The following STAG2 variants were observed in gnomAD, a reference collection of about 807,000 sequenced individuals.
The protein encoded by STAG2 is cohesin subunit SA-2.
A neutral mutation model predicts 108.1 loss-of-function variants in STAG2; 14 were observed. The ratio of observed to expected loss-of-function variants is 0.13; its 90% confidence interval spans 0.09 to 0.20. STAG2 has a LOEUF of 0.20. Among genes scored for constraint, STAG2 ranks in the 10% least tolerant of loss-of-function variants. STAG2 has a pLI of 1.00. For missense variants in STAG2, 440 were observed against 940.9 expected (o/e 0.47, Z 6.96); for synonymous variants, 307 against 302.7 (o/e 1.01, Z -0.15).
intron 6 of STAG2, among the ~76,000 whole-genome samples, chrX:124,040,721 C>G (rs913989686): frequency 9.2e-6 from 1 of 109,247 alleles, no homozygotes; most frequent in African/African-American, 3.3e-5. Flanking sequence ...ACTTTTTGTT[C>G]TCTAGCATTC....
At chrX:124,043,127 G>T in intron 7 of STAG2, among the ~76,000 whole-genome samples, 1 of 108,637 alleles carries the variant, frequency 9.2e-6, no homozygotes, top group Middle Eastern at 4.7e-3. Flanking sequence ...CTTAGTGTCA[G>T]TTGTTTTTTT....
In STAG2 at chrX:124,076,315, T is replaced by C; in HGVS notation, c.2534-17T>C. On this transcript the variant is annotated splice_polypyrimidine_tract_variant and intron_variant, in intron 25 of 34. Coordinates refer to ENST00000371145, the MANE Select transcript of STAG2 (RefSeq NM_001042750.2). The stretch of plus-strand genomic sequence containing the variant: ...AATAAAATACAAGATGCTTAATGTT[T>C]GGGACTTTTTCTCCAGATGGTCAGC... The C allele has an allele frequency of 8.3e-7, 1 of 1,205,942 alleles. No individual in the cohort carries two copies. Among genetic ancestry groups the C allele is most frequent in the Non-Finnish European group, 1.1e-6 (1 of 891,618 alleles).
At chrX:124,028,136 A>G (rs1464055456) in intron 4 of STAG2, among the ~76,000 whole-genome samples, 1 of 111,206 alleles carries the variant, frequency 9.0e-6, no homozygotes, top group Admixed American at 9.6e-5. Flanking sequence ...TTTACTGGGG[A>G]CAAAAGCCTT....
In STAG2 at chrX:124,037,727, A is replaced by G. The variant is rs2057562488; in HGVS notation, c.385+104A>G. The G allele has an allele frequency of 9.0e-6, 3 of 332,926 alleles. No homozygotes were observed. The South Asian group carries it at 2.7e-4, about 30-fold the overall frequency. The allele number at this position is 332,926 out of a possible 1,213,427, so 27.4% of individuals were successfully genotyped here. On this transcript the variant is annotated intron_variant, in intron 6 of 34. Transcript: ENST00000371145. ...TTTACATGGTAAATAACGCTAAGGCATTATTTGCATCATATCCATATAAAA... is the reference window on the plus strand; with the variant it reads ...TTTACATGGTAAATAACGCTAAGGCGTTATTTGCATCATATCCATATAAAA...
intron 27 of STAG2, among the ~76,000 whole-genome samples, chrX:124,081,005 C>A (rs1461140928): frequency 8.9e-6 from 1 of 111,995 alleles, no homozygotes; most frequent in Non-Finnish European, 1.9e-5. Flanking sequence ...TAAGCTTTTG[C>A]TATTTCATGT....
intron 4 of STAG2, among the ~76,000 whole-genome samples, chrX:124,028,671 T>G (rs1456597295): frequency 9.2e-6 from 1 of 108,266 alleles, no homozygotes; most frequent in Admixed American, 1.0e-4. Context: ...AGGGACCCTC[T>G]AAGGAATAAA....
chrX:124,076,334 G>A lies in STAG2; in HGVS notation c.2536G>A (p.Gly846Ser), dbSNP rs1208998954. Reference protein sequence around the residue: ...EQDDDNNSADGQQEDEASKIE... With the variant: ...EQDDDNNSADSQQEDEASKIE... ...AATGTTTGGGACTTTTTCTCCAGATGGTCAGCAAGAGGATGAAGCCAGTAA... is the reference window on the plus strand; with the variant it reads ...AATGTTTGGGACTTTTTCTCCAGATAGTCAGCAAGAGGATGAAGCCAGTAA... Residue 846 changes from glycine to serine, a missense_variant and splice_region_variant, in exon 26 of 35, where the codon GGT becomes AGT. Physicochemically the swap from Gly to Ser is moderately conservative, Grantham distance 56 (BLOSUM62 0). Transcript: ENST00000371145. The A allele has an allele frequency of 1.7e-6, 2 of 1,207,545 alleles. No individual in the cohort carries two copies. Among genetic ancestry groups the A allele is most frequent in the Admixed American group, 2.2e-5 (1 of 45,523 alleles).
intron 1 of STAG2, among the ~76,000 whole-genome samples, chrX:123,984,198 G>A (rs1043038972): frequency 9.2e-6 from 1 of 108,725 alleles, no homozygotes; most frequent in Non-Finnish European, 1.9e-5. Flanking sequence ...GGCTGGTCCC[G>A]AACTCCCAAC....
At chrX:123,990,955 T>G (rs765972634) in intron 1 of STAG2, among the ~76,000 whole-genome samples, 37 of 111,948 alleles carry the variant, frequency 3.3e-4, no homozygotes, top group African/African-American at 1.2e-3. Context: ...TTGAGGTTAC[T>G]TGAAAACCAT....
chrX:123,968,559 C>G (rs1397453785), intron 1 of STAG2, among the ~76,000 whole-genome samples: 1 of 111,176 alleles, frequency 9.0e-6, no homozygotes, highest in Non-Finnish European at 1.9e-5. Flanking sequence ...ACTGGGGAGG[C>G]TGAGGTGGGA....
At chrX:124,055,246 A>C (rs1415749356) in intron 13 of STAG2, among the ~76,000 whole-genome samples, 2 of 112,840 alleles carry the variant, frequency 1.8e-5, no homozygotes, top group African/African-American at 3.2e-5. Context: ...CTTTCAGCAC[A>C]ACAGAAAACC....
At chrX:124,009,439 GTAGGTAGA>G (rs1310557199) in intron 1 of STAG2, among the ~76,000 whole-genome samples, 990 of 62,399 alleles carry the variant, frequency 0.016, 5 homozygotes, top group South Asian at 0.032. Flanking sequence ...AGGTAGGTAG[GTAGGTAGA>G]TAGATAGATA....
At chrX:124,011,647 G>A (rs1569502555) in intron 1 of STAG2, among the ~76,000 whole-genome samples, 1 of 111,509 alleles carries the variant, frequency 9.0e-6, no homozygotes, top group African/African-American at 3.3e-5. Flanking sequence ...AGAAGTCCAA[G>A]TTTTGAGGGT....
chrX:123,984,561 G>A (rs1450180417), intron 1 of STAG2, among the ~76,000 whole-genome samples: 1 of 111,631 alleles, frequency 9.0e-6, no homozygotes, highest in Non-Finnish European at 1.9e-5. Flanking sequence ...CTCTAATAGT[G>A]CCTGATATAT....
chrX:124,078,041 A>G lies in STAG2; in HGVS notation c.2758A>G (p.Ile920Val). ...CAAAATTCAGTGTGCTAAGACCCTTATTCTCAGTCTGCAACAGGTAAGCAT... is the reference window on the plus strand; with the variant it reads ...CAAAATTCAGTGTGCTAAGACCCTTGTTCTCAGTCTGCAACAGGTAAGCAT... ...IDKIQCAKTL[I>V]LSLQQLFNEM... Residue 920 changes from isoleucine (I) to valine (V), a missense_variant, in exon 27 of 35, where the codon ATT (isoleucine) becomes GTT (valine). This residue lies in a region of STAG2 where 337 missense variants were observed against 649.3 expected (regional missense o/e 0.52). Coordinates refer to ENST00000371145, the MANE Select transcript of STAG2 (RefSeq NM_001042750.2). 1 of 1,191,273 alleles carries G rather than the reference A, an allele frequency of 8.4e-7. No homozygotes were observed. The highest frequency in any genetic ancestry group is 1.1e-6 in the Non-Finnish European group (1 of 884,852).
chrX:123,998,893 G>A (rs1160525673), intron 1 of STAG2, among the ~76,000 whole-genome samples: 1 of 111,205 alleles, frequency 9.0e-6, no homozygotes, highest in African/African-American at 3.3e-5. Flanking sequence ...GCCAAGGCCG[G>A]GAGTATCACG....
intron 6 of STAG2, among the ~76,000 whole-genome samples, chrX:124,042,365 T>C (rs1236042845): frequency 1.8e-5 from 2 of 112,256 alleles, no homozygotes; most frequent in Non-Finnish European, 3.8e-5. Context: ...GGGGCTGTTT[T>C]CTTGTGCATA....
intron 13 of STAG2, among the ~76,000 whole-genome samples, chrX:124,054,944 G>A (rs1376230607): frequency 9.2e-6 from 1 of 108,959 alleles, no homozygotes; most frequent in Non-Finnish European, 1.9e-5. Flanking sequence ...TTTTCTTTCC[G>A]TTTTTTGTAG....
chrX:123,993,238 A>G (rs967845932), intron 1 of STAG2, among the ~76,000 whole-genome samples: 1 of 109,672 alleles, frequency 9.1e-6, no homozygotes, highest in South Asian at 3.8e-4. Flanking sequence ...GGCTGAGTCC[A>G]GGAGTTCAAG....
Sources: gnomAD v4.1 joint callset for allele counts (sites outside exome capture counted in the v4.1 genomes callset) on GRCh38, gnomAD v4.1.1 for gene constraint, gnomAD v4.1.1 regional missense constraint, MANE v1.5 for transcripts, NCBI Gene and HGNC (gene_info 2026-07-23, HGNC 2026-07-21) for gene names.